Variants in ABLIM2 observed in about 807,000 individuals in gnomAD.
The protein encoded by ABLIM2 is actin binding LIM protein family member 2, also known as actin-binding LIM protein 2.
ABLIM2 carries 53 observed loss-of-function variants against 97.7 expected under a neutral mutation model. The ratio of observed to expected loss-of-function variants is 0.54; its 90% CI spans 0.44 to 0.68. ABLIM2 has a LOEUF of 0.68. Among genes scored for constraint, ABLIM2 ranks in the 30% least tolerant of loss-of-function variants. The pLI is 0.00. For missense variants in ABLIM2, 835 were observed against 867.2 expected (o/e 0.96, Z 0.47); for synonymous variants, 361 against 345.8 (o/e 1.04, Z -0.49).
chr4:8,064,333 C>G (rs1046941919), intron 6 of ABLIM2, among the ~76,000 whole-genome samples: 1 of 152,100 alleles, frequency 6.6e-6, no homozygotes, highest in Non-Finnish European at 1.5e-5. Flanking sequence ...GGGAGCAGAC[C>G]GTGAAGGTCC....
At chr4:8,020,475 T>G (rs1037174804) in intron 12 of ABLIM2, 172 bp from the exon 13 acceptor site, 8 of 705,634 alleles carry the variant, frequency 1.1e-5, no homozygotes, top group African/African-American at 8.7e-5. Flanking sequence ...GTTCCCAGAC[T>G]GTGTCCAAGG....
In ABLIM2 at chr4:8,058,389, C is replaced by T. The variant is rs1388390906; in HGVS notation, c.763+2578G>A. 2.0e-5 allele frequency among the ~76,000 whole-genome samples: 3 copies of T among 152,202 alleles called. No homozygotes were observed. The highest frequency in any genetic ancestry group is 7.2e-5 in the African/African-American group (3 of 41,460). On this transcript the variant is annotated intron_variant, in intron 7 of 20. Transcript: ENST00000447017. The surrounding 1 kb of genome is among the most constrained non-coding windows in gnomAD (Gnocchi z 4.2). ...GAGAAAGGCAGGCCTGTGTGATCCA[C>T]GGCCCTGTGACAATGGCCGCATGAG...
At chr4:8,153,722 C>G (rs1713934927) in intron 1 of ABLIM2, among the ~76,000 whole-genome samples, 1 of 152,212 alleles carries the variant, frequency 6.6e-6, no homozygotes, top group Non-Finnish European at 1.5e-5. Flanking sequence ...GCAGAGTGTG[C>G]TCTCTTCTTT....
intron 6 of ABLIM2, among the ~76,000 whole-genome samples, chr4:8,063,023 C>T (rs1422972493): frequency 6.6e-6 from 1 of 152,220 alleles, no homozygotes; most frequent in Non-Finnish European, 1.5e-5. Flanking sequence ...CACAGCATGT[C>T]TACATGGCAC....
chr4:8,094,237 T>G (rs1000517808), intron 3 of ABLIM2, among the ~76,000 whole-genome samples: 2 of 152,238 alleles, frequency 1.3e-5, no homozygotes, highest in South Asian at 4.1e-4. Flanking sequence ...TAAACATATT[T>G]ACAGTAGCTA....
chr4:8,010,418 T>C (rs938394731), intron 14 of ABLIM2: 8 of 985,754 alleles, frequency 8.1e-6, no homozygotes, highest in African/African-American at 1.7e-5. Flanking sequence ...CACGCCGAGG[T>C]GGGCTTCTTA....
At chr4:8,098,405 A>C (rs1344540690) in intron 2 of ABLIM2, among the ~76,000 whole-genome samples, 1 of 152,264 alleles carries the variant, frequency 6.6e-6, no homozygotes, top group East Asian at 1.9e-4. Flanking sequence ...GCACCTTTAA[A>C]GTTAACTGTT....
At chr4:8,139,599 C>T (rs66760518) in intron 1 of ABLIM2, among the ~76,000 whole-genome samples, 10,200 of 152,222 alleles carry the variant, frequency 0.067, 380 homozygotes, top group South Asian at 0.1. Flanking sequence ...AGTCAAGAAA[C>T]GACAAATGCT....
rs1367361655 is a variant in ABLIM2 at position 8,132,439 on chromosome 4, T to C, written c.11-25802A>G. On this transcript the variant is annotated intron_variant, in intron 1 of 20. Transcript: ENST00000447017. The surrounding 1 kb of genome is among the most constrained non-coding windows in gnomAD (Gnocchi z 8.0). ...CTTTTTCAGGATTGTAAAACTTAGG[T>C]TTAGAGGGATCTGAGACCATCCAGT... 6.6e-6 allele frequency among the ~76,000 whole-genome samples: 1 copy of C among 152,108 alleles called. No individual in the cohort carries two copies.
At position 8,035,732 on chromosome 4, in the gene ABLIM2, G is replaced by A. The variant is rs1000703109; in HGVS notation, c.1047+417C>T. ...TGGCTCATGAATTCATGGGGCAGAG[G>A]AGCATGGGGCAGAGCCATGGCAGCG... On this transcript the variant is annotated intron_variant, in intron 10 of 20. Transcript: ENST00000447017. Among the ~76,000 whole-genome samples, 4 of 152,356 alleles carry A rather than the reference G, an allele frequency of 2.6e-5. No homozygotes were observed. The East Asian group carries it at 5.8e-4, about 22-fold the overall frequency.
chr4:8,061,005 C>T lies in ABLIM2; in HGVS notation c.725G>A (p.Gly242Asp), dbSNP rs749808023. The T allele has an allele frequency of 6.9e-6, 11 of 1,599,574 alleles. No individual in the cohort carries two copies. Among genetic ancestry groups the T allele is most frequent in the South Asian group, 1.1e-5 (1 of 88,264 alleles). The change falls in exon 7 of 21, where the codon GGC (glycine) becomes GAC (aspartate). Residue 242 changes from glycine to aspartate, a missense_variant. Transcript: ENST00000447017. The surrounding 1 kb of genome is among the most constrained non-coding windows in gnomAD (Gnocchi z 4.5). ...CTCTTCGCCTTCTGCAAACATCTGGCCGCACCTGACACATAGCGCGCAGGA... is the reference window on the plus strand; with the variant it reads ...CTCTTCGCCTTCTGCAAACATCTGGTCGCACCTGACACATAGCGCGCAGGA... The part of the protein sequence containing the change: ...HPSCALCVRC[G>D]QMFAEGEEMY...
rs1849238428 is a variant in ABLIM2, at chr4:8,130,724, C to T, written c.11-24087G>A. Among the ~76,000 whole-genome samples the T allele has an allele frequency of 6.6e-6, 1 of 152,102 alleles. No individual in the cohort carries two copies. Among genetic ancestry groups the T allele is most frequent in the Non-Finnish European group, 1.5e-5 (1 of 68,022 alleles). ...GCTGTGAGATGGAGGAGGAATTAGC[C>T]AGGCCCAGGGAGGGGAGAGACGGTC... On this transcript the variant is annotated intron_variant, in intron 1 of 20. Coordinates refer to ENST00000447017, the MANE Select transcript of ABLIM2 (RefSeq NM_001130083.2). This position sits in a 1 kb window ranked among gnomAD's most constrained non-coding sequence, Gnocchi z 4.2.
intron 20 of ABLIM2, among the ~76,000 whole-genome samples, chr4:7,973,930 C>T (rs1730428467): frequency 6.6e-6 from 1 of 152,218 alleles, no homozygotes; most frequent in South Asian, 2.1e-4. Flanking sequence ...TGACAGTCAG[C>T]TGACTGCAAG....
chr4:8,012,458 T>C (rs1765664848), intron 14 of ABLIM2, among the ~76,000 whole-genome samples: 1 of 128,630 alleles, frequency 7.8e-6, no homozygotes, highest in Admixed American at 8.0e-5. Flanking sequence ...CATTCGTTCA[T>C]TTACCCATTG....
chr4:8,151,400 TC>T (rs1712702346), intron 1 of ABLIM2, among the ~76,000 whole-genome samples: 1 of 152,046 alleles, frequency 6.6e-6, no homozygotes. Context: ...CCCCAGTCCT[TC>T]CCACAGACGC....
At chr4:8,101,528 C>T (rs116371724) in intron 2 of ABLIM2, among the ~76,000 whole-genome samples, 133 of 152,314 alleles carry the variant, frequency 8.7e-4, no homozygotes, top group Non-Finnish European at 1.6e-3. Flanking sequence ...CTAGAACAGG[C>T]GGCTATTTAT....
intron 10 of ABLIM2, among the ~76,000 whole-genome samples, chr4:8,035,854 G>A (rs1784194941): frequency 6.6e-6 from 1 of 152,220 alleles, no homozygotes; most frequent in African/African-American, 2.4e-5. Context: ...TTTTCACTGA[G>A]TCACTATCAT....
chr4:8,050,227 C>A (rs893505688), intron 8 of ABLIM2, among the ~76,000 whole-genome samples: 1 of 152,194 alleles, frequency 6.6e-6, no homozygotes, highest in African/African-American at 2.4e-5. Context: ...CATGGTCACT[C>A]ATATTTGACT....
Position 8,112,380 on chromosome 4 carries a change from C to T in ABLIM2, c.11-5743G>A, listed in dbSNP as rs1840771923. ...AGCCTCAGTTTTCACATCTGTAAAT[C>T]AGGGCTTGATCTTAGGAGGATGTTT... is the stretch of plus-strand genomic sequence containing the variant. On this transcript the variant is annotated intron_variant, in intron 1 of 20. Transcript: ENST00000447017. The surrounding 1 kb of genome is among the most constrained non-coding windows in gnomAD (Gnocchi z 4.2). 6.6e-6 allele frequency among the ~76,000 whole-genome samples: 1 copy of T among 152,226 alleles called. No individual in the cohort carries two copies. The highest frequency in any genetic ancestry group is 6.5e-5 in the Admixed American group (1 of 15,286).
Sources: gnomAD v4.1 joint callset for allele counts (sites outside exome capture counted in the v4.1 genomes callset) on GRCh38, gnomAD v4.1.1 for gene constraint, Gnocchi (gnomAD v3.1) non-coding constraint, MANE v1.5 for transcripts, NCBI Gene and HGNC (gene_info 2026-07-23, HGNC 2026-07-21) for gene names.